CD99: variants seen among roughly 807,000 people sequenced by gnomAD.
CD99 encodes CD99 antigen.
A neutral mutation model predicts 28.4 loss-of-function variants in CD99; 19 were observed. The observed-to-expected ratio is 0.67, with a 90% CI of 0.47 to 0.98. The LOEUF (loss-of-function observed/expected upper bound fraction) is 0.98. Ranked by LOEUF, CD99 falls within the 50% of genes least tolerant of loss-of-function variation. CD99 has a pLI of 0.00. For missense variants in CD99, 283 were observed against 248.8 expected (o/e 1.14, Z -0.92); for synonymous variants, 103 against 92.1 (o/e 1.12, Z -0.67).
At chrX:2,718,556 A>G (rs938710585) in intron 3 of CD99, among the ~76,000 whole-genome samples, 1 of 151,664 alleles carries the variant, frequency 6.6e-6, no homozygotes, top group Non-Finnish European at 1.5e-5. Context: ...TTTTTAGTAG[A>G]GACGGGGTTT....
Position 2,710,090 on chromosome X carries a change from C to G in CD99, c.68-4332C>G, listed in dbSNP as rs773114639. Among the ~76,000 whole-genome samples the G allele has an allele frequency of 2.6e-5, 4 of 152,318 alleles. No individual in the cohort carries two copies. In the East Asian group the frequency reaches 7.7e-4, roughly 29 times the overall value. ...ATGCCCTTTCTGTGGAAATATATAG[C>G]AGTCCTCATGCTAGGATTGCGTGTT... On this transcript the variant is annotated intron_variant, in intron 1 of 9. Transcript: ENST00000381192.
At chrX:2,692,127 C>G in intron 1 of CD99, 4 of 593,508 alleles carry the variant, frequency 6.7e-6, no homozygotes, top group Non-Finnish European at 1.2e-5. Flanking sequence ...GTCACCCTCC[C>G]ACGCCCTAAA....
At chrX:2,731,642 C>T (rs1019030850) in intron 8 of CD99, among the ~76,000 whole-genome samples, 6 of 152,090 alleles carry the variant, frequency 3.9e-5, no homozygotes, top group African/African-American at 1.4e-4. Context: ...TACTGTTATT[C>T]TACCAGACAG....
intron 8 of CD99, among the ~76,000 whole-genome samples, chrX:2,736,892 T>G (rs1226240245): frequency 7.5e-6 from 1 of 133,382 alleles, no homozygotes; most frequent in Admixed American, 7.3e-5. Context: ...AATAAATAAA[T>G]AAATAAATTT....
intron 8 of CD99, among the ~76,000 whole-genome samples, chrX:2,728,338 G>C (rs1313258300): frequency 6.6e-6 from 1 of 151,178 alleles, no homozygotes; most frequent in Admixed American, 6.6e-5. Context: ...TGGGATTACA[G>C]ATGTGCACCA....
intron 8 of CD99, chrX:2,733,187 C>G (rs2049760122): frequency 4.7e-6 from 1 of 211,352 alleles, no homozygotes; most frequent in Non-Finnish European, 8.2e-6. Context: ...ATTTTGGTTT[C>G]CACTTCCCAC....
Position 2,709,669 on chromosome X carries a change from T to C in CD99, c.68-4753T>C, listed in dbSNP as rs186964279. 7.5e-4 allele frequency among the ~76,000 whole-genome samples: 115 copies of C among 152,334 alleles called. 2 individuals are homozygous for C. The East Asian group carries it at 0.013, about 18-fold the overall frequency. On this transcript the variant is annotated intron_variant, in intron 1 of 9. Transcript: ENST00000381192. The stretch of plus-strand genomic sequence containing the variant: ...CGTATATGAAATACACATGTACACA[T>C]GAGCACATCCACACGCGCACATGCA...
chrX:2,699,529 G>A (rs756357650), intron 1 of CD99, among the ~76,000 whole-genome samples: 23 of 149,420 alleles, frequency 1.5e-4, no homozygotes, highest in African/African-American at 5.0e-4. Context: ...GGAGTGCAGC[G>A]ATGCAATCTT....
At chrX:2,733,099 T>C (rs1385217517) in intron 8 of CD99, among the ~76,000 whole-genome samples, 1 of 151,058 alleles carries the variant, frequency 6.6e-6, no homozygotes, top group Admixed American at 6.6e-5. Context: ...CCATCCCTTC[T>C]TCCTGCTTCC....
rs766149077 is a variant in CD99 at position 2,713,158 on chromosome X, A to G, written c.68-1264A>G. On this transcript the variant is annotated intron_variant, in intron 1 of 9. Transcript: ENST00000381192. ...CACACACAAACCCACATATACATGCACCTACACACATGCACACATAACACC... is the reference window on the plus strand; with the variant it reads ...CACACACAAACCCACATATACATGCGCCTACACACATGCACACATAACACC... Among the ~76,000 whole-genome samples the G allele has an allele frequency of 1.6e-3, 242 of 152,074 alleles. 1 individual carries two copies. The highest frequency in any genetic ancestry group is 2.4e-3 in the Non-Finnish European group (161 of 67,980).
At chrX:2,702,459 G>A (rs904281361) in intron 1 of CD99, among the ~76,000 whole-genome samples, 3 of 152,162 alleles carry the variant, frequency 2.0e-5, no homozygotes, top group Non-Finnish European at 4.4e-5. Context: ...GAGAAATACT[G>A]TTATTAACTT....
At chrX:2,727,492 C>A in intron 8 of CD99, 2 of 681,596 alleles carry the variant, frequency 2.9e-6, no homozygotes, top group Non-Finnish European at 5.5e-6. Flanking sequence ...TTTTTTATTT[C>A]TTGAGACAGA....
intron 8 of CD99, among the ~76,000 whole-genome samples, chrX:2,729,345 C>G (rs1304585224): frequency 6.6e-6 from 1 of 152,154 alleles, no homozygotes; most frequent in Non-Finnish European, 1.5e-5. Context: ...CGTTTTCACA[C>G]TGCTATGAAG....
At chrX:2,735,112 C>T (rs939106536) in intron 8 of CD99, among the ~76,000 whole-genome samples, 1 of 152,190 alleles carries the variant, frequency 6.6e-6, no homozygotes, top group Non-Finnish European at 1.5e-5. Flanking sequence ...GAATGTCCTG[C>T]GTGTTTCCCA....
chrX:2,739,032 T>G (rs1427100693), intron 9 of CD99, among the ~76,000 whole-genome samples: 1 of 151,886 alleles, frequency 6.6e-6, no homozygotes, highest in African/African-American at 2.4e-5. Flanking sequence ...TTGTTTTTTT[T>G]TTATTTTGTA....
intron 1 of CD99, among the ~76,000 whole-genome samples, chrX:2,702,364 T>C (rs1361774859): frequency 6.6e-6 from 1 of 151,404 alleles, no homozygotes; most frequent in Non-Finnish European, 1.5e-5. Context: ...AGTCCCATGG[T>C]GTAACAACCA....
Position 2,723,533 on chromosome X carries a change from C to G in CD99, c.361+169C>G. ...TCCCAAGTGATGTAGCTGCAGAGGT[C>G]CCCCAGCAAACCAGCCCTGCTCCGG... On this transcript the variant is annotated intron_variant, in intron 7 of 9. Coordinates refer to ENST00000381192, the MANE Select transcript of CD99 (RefSeq NM_002414.5). The G allele has an allele frequency of 6.3e-6, 4 of 631,502 alleles. No individual in the cohort carries two copies. The South Asian group carries it at 6.7e-5, about 11-fold the overall frequency. The allele number at this position is 631,502 out of a possible 1,614,324, so 39.1% of individuals were successfully genotyped here.
At chrX:2,710,802 C>G (rs1408096323) in intron 1 of CD99, among the ~76,000 whole-genome samples, 1 of 149,770 alleles carries the variant, frequency 6.7e-6, no homozygotes, top group Non-Finnish European at 1.5e-5. Context: ...GAAATTGAAA[C>G]AGTTACGAAT....
At chrX:2,710,901 C>T (rs1195241474) in intron 1 of CD99, among the ~76,000 whole-genome samples, 1 of 120,902 alleles carries the variant, frequency 8.3e-6, no homozygotes, top group African/African-American at 3.2e-5. Context: ...GATGGAGTCT[C>T]CCTCTGTCAC....
Sources: gnomAD v4.1 joint callset for allele counts (sites outside exome capture counted in the v4.1 genomes callset) on GRCh38, gnomAD v4.1.1 for gene constraint, MANE v1.5 for transcripts, NCBI Gene and HGNC (gene_info 2026-07-23, HGNC 2026-07-21) for gene names.